The following SLC4A11 variants were observed in gnomAD, a reference collection of about 807,000 sequenced individuals.
The protein encoded by SLC4A11 is bicarbonate transporter related protein 1.
SLC4A11 carries 74 observed loss-of-function variants against 95.0 expected under a neutral mutation model. The observed-to-expected ratio is 0.78, with a 90% CI of 0.65 to 0.95. SLC4A11 has a LOEUF of 0.95. SLC4A11 is among the 40% of genes least tolerant of loss of function. The pLI is 0.00. For synonymous variants in SLC4A11, 548 were observed against 519.0 expected (o/e 1.06, Z -0.76); for missense variants, 1,081 against 1,192.4 (o/e 0.91, Z 1.38).
At position 3,231,200 on chromosome 20, in the gene SLC4A11, G is replaced by GT. The variant is rs1168548467; in HGVS notation, c.990_991insA (p.Arg331ThrfsTer17). ...GGGAACCTGCGTGCGATGTCCTCCC[G>GT]GATGCCCTTCCCAAAAGGGACAAAG... On this transcript the variant is annotated frameshift_variant, in exon 9 of 20. Transcript: ENST00000642402. LOFTEE classifies it high-confidence loss of function. The surrounding 1 kb of genome is among the most constrained non-coding windows in gnomAD (Gnocchi z 5.2). 6.2e-7 allele frequency: 1 copy of GT among 1,614,104 alleles called. No individual in the cohort carries two copies. The highest frequency in any genetic ancestry group is 8.5e-7 in the Non-Finnish European group (1 of 1,180,024).
At chr20:3,238,935 C>T in intron 1 of SLC4A11, 160 bp downstream of exon 1, 1 of 1,263,322 alleles carries the variant, frequency 7.9e-7, no homozygotes, top group Non-Finnish European at 9.9e-7. Context: ...CCCGCACCCG[C>T]GCCCTCCTCC....
Position 3,230,923 on chromosome 20 carries a change from A to G in SLC4A11, c.1168+10T>C. On this transcript the variant is annotated intron_variant, in intron 10 of 19. Transcript: ENST00000642402. ...ATACCCCCACCCACCGCCCACCGCC[A>G]GCCCCTCACCGATGGCCCCGTCTGT... 3.0e-6 allele frequency: 3 copies of G among 992,436 alleles called. No individual in the cohort carries two copies. In the African/African-American group the frequency reaches 5.4e-5, roughly 18 times the overall value. 61.5% of individuals were successfully genotyped at this position (992,436 alleles called of 1,614,324 possible).
chr20:3,239,557 C>G (rs1321391622), upstream of SLC4A11: 10 of 986,992 alleles, frequency 1.0e-5, no homozygotes, highest in Non-Finnish European at 1.2e-5. Context: ...TGAGGCAGAC[C>G]CCGGGAGGGC....
At chr20:3,230,900 A>ACCCCCCCCCCCCCCC in intron 10 of SLC4A11, 33 bp downstream of exon 10, 1 of 1,610,758 alleles carries the variant, frequency 6.2e-7, no homozygotes, top group Non-Finnish European at 8.5e-7. Context: ...AGCCCAGCAT[A>ACCCCCCCCCCCCCCC]CCCCCACCCA....
Position 3,234,572 on chromosome 20 carries a change from C to T in SLC4A11, c.287G>A (p.Arg96Gln), listed in dbSNP as rs139524164. The T allele has an allele frequency of 4.0e-5, 65 of 1,613,810 alleles. No individual in the cohort carries two copies. The highest frequency in any genetic ancestry group is 1.0e-4 in the Admixed American group (6 of 60,020). The change falls in exon 4 of 20, where the codon CGA becomes CAA. Residue 96 changes from arginine to glutamine, a missense_variant. Transcript: ENST00000642402. This position sits in a 1 kb window ranked among gnomAD's most constrained non-coding sequence, Gnocchi z 5.8. Reference protein sequence around the residue: ...SGGCVLLHTSRKYLKLKNFKE... With the variant: ...SGGCVLLHTSQKYLKLKNFKE... ...CCTGCAGGACAGGCCATTCACCTTT[C>T]GGGAGGTGTGCAGGAGCACACAGCC...
chr20:3,227,913 CCCATCCCAG>C, intron 19 of SLC4A11, 57 bp from the exon 20 acceptor site: 1 of 1,525,324 alleles, frequency 6.6e-7, no homozygotes, highest in Non-Finnish European at 8.9e-7. Context: ...GCAGTGGACA[CCCATCCCAG>C]CCCACCCCAG....
intron 2 of SLC4A11, among the ~76,000 whole-genome samples, chr20:3,235,730 T>C (rs770491779): frequency 3.3e-5 from 5 of 152,038 alleles, no homozygotes; most frequent in Non-Finnish European, 7.4e-5. Flanking sequence ...AATATTCCTC[T>C]GCCCTGAGCC....
chr20:3,231,331 T>C lies in SLC4A11; in HGVS notation c.947A>G (p.Glu316Gly). The C allele has an allele frequency of 6.2e-7, 1 of 1,613,728 alleles. No homozygotes were observed. ...CCCCCGCCGGCCTCTACCCTGTACC[T>C]CTGGGTGTCTGTGGGCAGGGAGGGA... ...TVSLPAHRHP[E>G]PPKCKDFVPF... Residue 316 changes from glutamate to glycine, a missense_variant and splice_region_variant, in exon 8 of 20, where the codon GAG becomes GGG. This residue lies in a region of SLC4A11 where 767 missense variants were observed against 858.0 expected (regional missense o/e 0.89). Coordinates refer to ENST00000642402, the MANE Select transcript of SLC4A11 (RefSeq NM_001174089.2). The surrounding 1 kb of genome is among the most constrained non-coding windows in gnomAD (Gnocchi z 5.2).
At position 3,232,377 on chromosome 20, in the gene SLC4A11, C is replaced by T. The variant is rs140456606; in HGVS notation, c.730-829G>A. ...CGTCTGTTGCTCAAAGCTCTAGTCC[C>T]GGGGCACTGTGCATGTTTGCTGTAG... On this transcript the variant is annotated intron_variant, in intron 7 of 19. Coordinates refer to ENST00000642402, the MANE Select transcript of SLC4A11 (RefSeq NM_001174089.2). Among the ~76,000 whole-genome samples, 1,088 of 152,360 alleles carry T rather than the reference C, an allele frequency of 7.1e-3. 14 individuals carry two copies. Among genetic ancestry groups the T allele is most frequent in the African/African-American group, 0.025 (1,021 of 41,582 alleles).
rs754759954 is a variant in SLC4A11, at chr20:3,229,559, G to C, written c.1707C>G (p.Leu569=). The C allele has an allele frequency of 8.7e-6, 14 of 1,612,850 alleles. No homozygotes were observed. In the East Asian group the frequency reaches 1.8e-4, roughly 21 times the overall value. Residue 569 remains leucine, a synonymous_variant, in exon 14 of 20, where the codon CTC becomes CTG. Coordinates refer to ENST00000642402, the MANE Select transcript of SLC4A11 (RefSeq NM_001174089.2). ...VLSLLIMLGT[L]WLGYTLYQFK... is the part of the protein sequence containing the mutation. ...ATTGGTAGAGGGTGTAGCCCAGCCAGAGCGTGCCCAGCATGATGAGGAGGC... is the reference window on the plus strand; with the variant it reads ...ATTGGTAGAGGGTGTAGCCCAGCCACAGCGTGCCCAGCATGATGAGGAGGC...
rs938714058 is a variant in SLC4A11 at position 3,239,084 on chromosome 20, C to T, written c.43+11G>A. The stretch of plus-strand genomic sequence containing the variant: ...GGCCTTCCCGCCGCGCCCCCGGGTT[C>T]AGGCACCCACCGCACGGCTGCAGAT... On this transcript the variant is annotated intron_variant, in intron 1 of 19. Transcript: ENST00000642402. 4.1e-6 allele frequency: 6 copies of T among 1,475,002 alleles called. No homozygotes were observed. In the African/African-American group the frequency reaches 8.8e-5, roughly 22 times the overall value. 91.4% of individuals were successfully genotyped at this position (1,475,002 alleles called of 1,614,324 possible).
In SLC4A11 at chr20:3,228,923, G is replaced by A; in HGVS notation, c.2107C>T (p.His703Tyr). 6.2e-7 allele frequency: 1 copy of A among 1,613,980 alleles called. No homozygotes were observed. Among genetic ancestry groups the A allele is most frequent in the Non-Finnish European group, 8.5e-7 (1 of 1,180,014 alleles). The change falls in exon 17 of 20, where the codon CAT becomes TAT. Residue 703 changes from histidine to tyrosine, a missense_variant. Around this residue, in one of 3 missense-constraint regions of SLC4A11, gnomAD observed 767 missense variants for 858.0 expected, o/e 0.89. Transcript: ENST00000642402. The part of the protein sequence containing the change: ...GLSLFGLPWI[H>Y]AAYPHSPLHV... ...AGCGGGGAGTGGGGGTAGGCGGCAT[G>A]GATCCAAGGCAGCCCAAACAGAGAC...
At chr20:3,227,987 AC>A (rs2067589619) in intron 19 of SLC4A11, 131 bp from the exon 20 acceptor site, 32 of 317,720 alleles carry the variant, frequency 1.0e-4, no homozygotes, top group Middle Eastern at 1.0e-3. Context: ...CCCCCAGCCC[AC>A]CCACTCTCCA....
Position 3,230,997 on chromosome 20 carries a change from G to A in SLC4A11, c.1104C>T (p.Phe368=), listed in dbSNP as rs1447082085. 33 of 1,613,872 alleles carry A rather than the reference G, an allele frequency of 2.0e-5. No individual in the cohort carries two copies. The East Asian group carries it at 4.7e-4, about 23-fold the overall frequency. ...AAGCGATGGTGGGCAGGAGGCAGGCGAAGTAGAGGAACAGGGTGGTGGTGA... is the reference window on the plus strand; with the variant it reads ...AAGCGATGGTGGGCAGGAGGCAGGCAAAGTAGAGGAACAGGGTGGTGGTGA... The part of the protein sequence containing the change: ...KYITTTLFLY[F]ACLLPTIAFG... The change falls in exon 10 of 20, where the codon TTC becomes TTT. Residue 368 remains phenylalanine (F), a synonymous_variant. Coordinates refer to ENST00000642402, the MANE Select transcript of SLC4A11 (RefSeq NM_001174089.2).
rs760472745 is a variant in SLC4A11, at chr20:3,233,496, A to C, written c.729+18T>G. On this transcript the variant is annotated intron_variant, in intron 7 of 19. Transcript: ENST00000642402. ...CGGGGCCCTCCTTCTTCCCCAGGACACGGCACTACCCACTCACCATCTTGG... is the reference window on the plus strand; with the variant it reads ...CGGGGCCCTCCTTCTTCCCCAGGACCCGGCACTACCCACTCACCATCTTGG... 6.2e-7 allele frequency: 1 copy of C among 1,613,182 alleles called. No individual in the cohort carries two copies. Among genetic ancestry groups the C allele is most frequent in the Non-Finnish European group, 8.5e-7 (1 of 1,179,910 alleles).
intron 1 of SLC4A11, chr20:3,238,503 G>C (rs2068061250): frequency 3.0e-6 from 3 of 999,732 alleles, no homozygotes; most frequent in Non-Finnish European, 2.4e-6. Flanking sequence ...TGCACACTCC[G>C]CTTCCGTCCC....
Position 3,229,388 on chromosome 20 carries a change from C to A in SLC4A11, c.1807G>T (p.Ala603Ser), listed in dbSNP as rs138262189. Reference protein sequence around the residue: ...SDCALPIAVLAFSLISSHGFR... With the variant: ...SDCALPIAVLSFSLISSHGFR... Reference sequence around the variant, plus strand: ...CCATGGGAGCTGATGAGGGAGAAGGCGAGCACCGCGATGGGCAGGGCGCAG... The same window carrying A: ...CCATGGGAGCTGATGAGGGAGAAGGAGAGCACCGCGATGGGCAGGGCGCAG... The change falls in exon 15 of 20, where the codon GCC becomes TCC. Residue 603 changes from alanine (A) to serine (S), a missense_variant. Ala to Ser is a moderately conservative substitution (Grantham distance 99). Transcript: ENST00000642402. 6.2e-7 allele frequency: 1 copy of A among 1,613,198 alleles called. No individual in the cohort carries two copies. The highest frequency in any genetic ancestry group is 8.5e-7 in the Non-Finnish European group (1 of 1,180,022).
intron 1 of SLC4A11, chr20:3,238,296 T>G: frequency 1.6e-6 from 2 of 1,222,342 alleles, no homozygotes; most frequent in African/African-American, 1.6e-5. Flanking sequence ...TGCCTCGCTG[T>G]CGGAGGAAGG....
chr20:3,229,412 A>C lies in SLC4A11; in HGVS notation c.1783T>G (p.Cys595Gly). 6.2e-7 allele frequency: 1 copy of C among 1,613,314 alleles called. No individual in the cohort carries two copies. Among genetic ancestry groups the C allele is most frequent in the Non-Finnish European group, 8.5e-7 (1 of 1,180,016 alleles). The change falls in exon 15 of 20, where the codon TGC becomes GGC. Residue 595 changes from cysteine to glycine, a missense_variant. Cys to Gly is a radical substitution (Grantham distance 159). Around this residue, in one of 3 missense-constraint regions of SLC4A11, gnomAD observed 767 missense variants for 858.0 expected, o/e 0.89. Coordinates refer to ENST00000642402, the MANE Select transcript of SLC4A11 (RefSeq NM_001174089.2). ...HPCVREILSD[C>G]ALPIAVLAFS... The stretch of plus-strand genomic sequence containing the variant: ...GCGAGCACCGCGATGGGCAGGGCGC[A>C]GTCGGACAGGATCTCTCGCACGCAG...
Sources: allele counts gnomAD v4.1 joint callset (sites outside exome capture counted in the v4.1 genomes callset), GRCh38; gene constraint gnomAD v4.1.1; regional missense constraint gnomAD v4.1.1; non-coding constraint Gnocchi (gnomAD v3.1); transcripts MANE v1.5; gene names NCBI Gene and HGNC (gene_info 2026-07-23, HGNC 2026-07-21).